CSMD1: variants seen among roughly 807,000 people sequenced by gnomAD.
CSMD1 encodes the protein CUB and sushi domain-containing protein 1.
In CSMD1, 213 loss-of-function variants were observed where a neutral mutation model predicts 417.5. The ratio of observed to expected loss-of-function variants is 0.51; its 90% confidence interval spans 0.46 to 0.57. The LOEUF is 0.57. Ranked by LOEUF, CSMD1 falls within the 20% of genes least tolerant of loss-of-function variation. CSMD1 has a pLI of 0.00. For synonymous variants in CSMD1, 2,862 were observed against 1,736.8 expected (o/e 1.65, Z -16.11); for missense variants, 6,923 against 4,529.7 (o/e 1.53, Z -15.17).
chr8:4,415,795 G>A (rs13279162), intron 3 of CSMD1, among the ~76,000 whole-genome samples: 25,508 of 152,122 alleles, frequency 0.17, 2,234 homozygotes, highest in East Asian at 0.28. Context: ...GAGCACACGT[G>A]TTTACATGTA....
chr8:4,404,772 T>C (rs113927269), intron 3 of CSMD1, among the ~76,000 whole-genome samples: 3,598 of 152,254 alleles, frequency 0.024, 122 homozygotes, highest in African/African-American at 0.08. Context: ...GAAAGTTGAA[T>C]AGCCATAAGC....
At chr8:3,678,595 C>T (rs1057192655) in intron 7 of CSMD1, among the ~76,000 whole-genome samples, 1 of 152,094 alleles carries the variant, frequency 6.6e-6, no homozygotes, top group Non-Finnish European at 1.5e-5. Context: ...AGAATGGAAA[C>T]AAGTTGGAAA....
intron 3 of CSMD1, among the ~76,000 whole-genome samples, chr8:4,276,235 C>A (rs117699718): frequency 0.019 from 2,816 of 152,130 alleles, 46 homozygotes; most frequent in Non-Finnish European, 0.028. Context: ...TGCCCATCAA[C>A]GATAGACTGA....
chr8:3,246,244 C>G (rs1297834741), intron 26 of CSMD1, among the ~76,000 whole-genome samples: 1 of 152,148 alleles, frequency 6.6e-6, no homozygotes, highest in Non-Finnish European at 1.5e-5. Flanking sequence ...CTCACCCACA[C>G]CAGCCCCTCA....
rs1203110676 is a variant in CSMD1, at chr8:3,230,196, G to A, written c.4189C>T (p.Pro1397Ser). The stretch of plus-strand genomic sequence containing the variant: ...TCTCCATAGCGGGTGCCATTTTGGG[G>A]CATACCTGGATCGTTACAGGTGGCT... ...IAATCNDPGMPQNGTRYGDSR... is the reference protein window; with the variant it reads ...IAATCNDPGMSQNGTRYGDSR... The change falls in exon 27 of 70, where the codon CCC (proline) becomes TCC (serine). Residue 1397 changes from proline to serine, a missense_variant. Coordinates refer to ENST00000635120, the MANE Select transcript of CSMD1 (RefSeq NM_033225.6). 5 of 1,609,302 alleles carry A rather than the reference G, an allele frequency of 3.1e-6. No homozygotes were observed. In the African/African-American group the frequency reaches 6.7e-5, roughly 21 times the overall value.
intron 1 of CSMD1, among the ~76,000 whole-genome samples, chr8:4,963,434 A>G (rs1809650901): frequency 6.6e-6 from 1 of 152,100 alleles, no homozygotes; most frequent in Non-Finnish European, 1.5e-5. Context: ...TCCTGACCTC[A>G]AGCAATCCAC....
chr8:3,135,517 G>A (rs1227628459), intron 41 of CSMD1, among the ~76,000 whole-genome samples: 37 of 120,828 alleles, frequency 3.1e-4, no homozygotes, highest in Non-Finnish European at 5.6e-4. Context: ...TCACATTTCT[G>A]ACTCTGTGAA....
At chr8:3,430,907 G>T (rs1188115299) in intron 12 of CSMD1, among the ~76,000 whole-genome samples, 3 of 152,136 alleles carry the variant, frequency 2.0e-5, no homozygotes, top group Non-Finnish European at 4.4e-5. Flanking sequence ...AAGAAAATTG[G>T]ATAATATTCT....
At chr8:2,983,364 T>C (rs1472205666) in intron 54 of CSMD1, among the ~76,000 whole-genome samples, 2 of 152,042 alleles carry the variant, frequency 1.3e-5, no homozygotes, top group East Asian at 1.9e-4. Flanking sequence ...TTTTTTGTAT[T>C]TTTAGTAGAG....
chr8:4,081,318 C>T (rs908484382), intron 3 of CSMD1, among the ~76,000 whole-genome samples: 32 of 152,252 alleles, frequency 2.1e-4, no homozygotes, highest in East Asian at 1.2e-3. Flanking sequence ...TCCCCTCCCA[C>T]GTTGAATAGG....
At chr8:4,118,448 T>C (rs944595231) in intron 3 of CSMD1, among the ~76,000 whole-genome samples, 10 of 150,170 alleles carry the variant, frequency 6.7e-5, no homozygotes, top group Non-Finnish European at 1.3e-4. Context: ...GACAGTCACT[T>C]CTCAAAAGAA....
intron 7 of CSMD1, among the ~76,000 whole-genome samples, chr8:3,703,571 C>A (rs544516543): frequency 7.9e-5 from 12 of 151,892 alleles, no homozygotes; most frequent in Non-Finnish European, 1.3e-4. Flanking sequence ...TGGGAAAACC[C>A]CAAACTTTCA....
rs193221404 is a variant in CSMD1, at chr8:4,401,021, T to C, written c.415+18932A>G. ...AACATGAAACTGAGTCCATTTAAAA[T>C]CTGAAAGTTAATATACGCTGAGCAT... is the stretch of plus-strand genomic sequence containing the variant. On this transcript the variant is annotated intron_variant, in intron 3 of 69. Coordinates refer to ENST00000635120, the MANE Select transcript of CSMD1 (RefSeq NM_033225.6). 1.3e-4 allele frequency among the ~76,000 whole-genome samples: 20 copies of C among 152,278 alleles called. No individual in the cohort carries two copies. The East Asian group carries it at 3.9e-3, about 29-fold the overall frequency.
At chr8:4,894,562 A>AG in intron 1 of CSMD1, among the ~76,000 whole-genome samples, 1 of 34,112 alleles carries the variant, frequency 2.9e-5, no homozygotes, top group Non-Finnish European at 8.9e-5. Flanking sequence ...CAAAAAAGAA[A>AG]AAAAAAAAAA....
At chr8:4,037,972 T>C (rs149154875) in intron 3 of CSMD1, among the ~76,000 whole-genome samples, 1,944 of 152,180 alleles carry the variant, frequency 0.013, 35 homozygotes, top group African/African-American at 0.044. Flanking sequence ...TTAGAAACAA[T>C]GAATCAAAAA....
intron 3 of CSMD1, among the ~76,000 whole-genome samples, chr8:4,301,206 C>A (rs11988129): frequency 2.0e-5 from 3 of 152,018 alleles, no homozygotes; most frequent in African/African-American, 7.3e-5. Context: ...GTCTGCTAAA[C>A]TTTTGGCTAG....
intron 1 of CSMD1, among the ~76,000 whole-genome samples, chr8:4,969,568 G>T (rs1012447408): frequency 3.3e-5 from 5 of 151,622 alleles, no homozygotes; most frequent in African/African-American, 1.2e-4. Flanking sequence ...TCTCACAACA[G>T]CTCAGTTCTA....
chr8:4,664,977 G>T (rs1356455688), intron 1 of CSMD1, among the ~76,000 whole-genome samples: 1 of 152,106 alleles, frequency 6.6e-6, no homozygotes, highest in Non-Finnish European at 1.5e-5. Flanking sequence ...TCTGAAAAAG[G>T]AAAATAATAT....
chr8:3,556,769 A>G (rs925509715), intron 10 of CSMD1, among the ~76,000 whole-genome samples: 1 of 152,120 alleles, frequency 6.6e-6, no homozygotes, highest in Non-Finnish European at 1.5e-5. Context: ...CTAGCTGCTC[A>G]GCCTCTGATC....
Sources: gnomAD v4.1 joint callset for allele counts (sites outside exome capture counted in the v4.1 genomes callset) on GRCh38, gnomAD v4.1.1 for gene constraint, MANE v1.5 for transcripts, NCBI Gene and HGNC (gene_info 2026-07-23, HGNC 2026-07-21) for gene names.